TNC: variants seen among roughly 807,000 people sequenced by gnomAD.
The protein encoded by TNC is tenascin C.
Under a neutral mutation model 202.4 loss-of-function variants are expected in TNC, and 109 were observed. The ratio of observed to expected loss-of-function variants is 0.54; its 90% CI spans 0.46 to 0.63. The LOEUF is 0.63. Among genes scored for constraint, TNC ranks in the 30% least tolerant of loss-of-function variants. TNC has a pLI of 0.00. For synonymous variants in TNC, 1,007 were observed against 1,089.7 expected (o/e 0.92, Z 1.50); for missense variants, 2,756 against 2,833.3 (o/e 0.97, Z 0.62).
intron 15 of TNC, chr9:115,052,993 C>T (rs930852144): frequency 5.1e-5 from 36 of 700,718 alleles, no homozygotes; most frequent in East Asian, 2.7e-4. Flanking sequence ...TAAAGATTAG[C>T]GTGCCCAACT....
In TNC at chr9:115,042,230, G is replaced by C; in HGVS notation, c.5237C>G (p.Pro1746Arg). 1.2e-6 allele frequency: 2 copies of C among 1,613,874 alleles called. No homozygotes were observed. The highest frequency in any genetic ancestry group is 1.7e-6 in the Non-Finnish European group (2 of 1,179,858). Residue 1746 changes from proline (P) to arginine (R), a missense_variant, in exon 18 of 28, where the codon CCC becomes CGC. Pro to Arg is a moderately radical substitution (Grantham distance 103). Around this residue, in one of 2 missense-constraint regions of TNC, gnomAD observed 2,559 missense variants for 2,546.0 expected, o/e 1.01. Coordinates refer to ENST00000350763, the MANE Select transcript of TNC (RefSeq NM_002160.4). ...QVESFRITYV[P>R]ITGGTPSMVT... ...TCCGAGTCTCCTACCTCCTGTAATG[G>C]GCACATAGGTAATCCGGAAGCTCTC...
chr9:115,031,954 G>C (rs1035890252), intron 22 of TNC, among the ~76,000 whole-genome samples: 2 of 152,150 alleles, frequency 1.3e-5, no homozygotes, highest in African/African-American at 2.4e-5. Flanking sequence ...ATCTGGTAAG[G>C]ATGAGAGCAC....
At chr9:115,073,197 A>G (rs565663833) in intron 10 of TNC, among the ~76,000 whole-genome samples, 10 of 152,354 alleles carry the variant, frequency 6.6e-5, no homozygotes, top group Non-Finnish European at 8.8e-5. Flanking sequence ...TATTATTACC[A>G]ACATCTTGGT....
At chr9:115,028,962 A>G (rs1442992793) in intron 25 of TNC, among the ~76,000 whole-genome samples, 1 of 80,730 alleles carries the variant, frequency 1.2e-5, no homozygotes, top group Non-Finnish European at 2.5e-5. Context: ...AAAAAAAAAA[A>G]GAAAGTCATG....
In TNC at chr9:115,057,374, C is replaced by G. The variant is rs1476339737; in HGVS notation, c.4358G>C (p.Ser1453Thr). 1 of 1,613,792 alleles carries G rather than the reference C, an allele frequency of 6.2e-7. No individual in the cohort carries two copies. Among genetic ancestry groups the G allele is most frequent in the African/African-American group, 1.3e-5 (1 of 74,914 alleles). The change falls in exon 15 of 28, where the codon AGC (serine) becomes ACC (threonine). Residue 1453 changes from serine (S) to threonine (T), a missense_variant. This residue lies in a region of TNC where 2,559 missense variants were observed against 2,546.0 expected (regional missense o/e 1.01). Transcript: ENST00000350763. Reference sequence around the variant, plus strand: ...GGTAGCCATCCAGGAGAGATTGAAGCTCTCGGGAGTTATGTCAGAAACATT... The same window carrying G: ...GGTAGCCATCCAGGAGAGATTGAAGGTCTCGGGAGTTATGTCAGAAACATT... The part of the protein sequence containing the change: ...NLNVSDITPE[S>T]FNLSWMATDG...
intron 15 of TNC, among the ~76,000 whole-genome samples, chr9:115,053,814 C>T (rs1831890819): frequency 6.6e-6 from 1 of 152,090 alleles, no homozygotes; most frequent in Admixed American, 6.6e-5. Flanking sequence ...ATTCAAAATT[C>T]CCAGTGAATG....
At chr9:115,089,269 T>C (rs2133600983) in intron 2 of TNC, among the ~76,000 whole-genome samples, 1 of 152,332 alleles carries the variant, frequency 6.6e-6, no homozygotes, top group African/African-American at 2.4e-5. Context: ...TTGAAGAACA[T>C]TTTGGTAATT....
At chr9:115,102,541 G>T (rs558782229) in intron 1 of TNC, among the ~76,000 whole-genome samples, 6 of 152,248 alleles carry the variant, frequency 3.9e-5, no homozygotes, top group African/African-American at 1.4e-4. Context: ...CTATTGAAAG[G>T]TTTATCAGGT....
At chr9:115,076,361 G>T (rs191401601) in intron 8 of TNC, 29 bp downstream of exon 8, 3 of 1,611,376 alleles carry the variant, frequency 1.9e-6, no homozygotes, top group Admixed American at 3.3e-5. Flanking sequence ...GGGCTGGCTG[G>T]CTCAGGCTTG....
At chr9:115,050,106 G>A (rs1195104803) in intron 15 of TNC, among the ~76,000 whole-genome samples, 1 of 152,136 alleles carries the variant, frequency 6.6e-6, no homozygotes, top group African/African-American at 2.4e-5. Context: ...CCTGGATTTT[G>A]TTTAGATAAG....
chr9:115,086,303 C>T lies in TNC; in HGVS notation c.1428G>A (p.Gln476=), dbSNP rs755908909. The part of the protein sequence containing the change: ...SDMSCPNDCH[Q]HGRCVNGMCV... ...ACATGCCATTCACACAGCGGCCGTG[C>T]TGGTGACAGTCATTAGGGCAGCTCA... The change falls in exon 3 of 28, where the codon CAG becomes CAA. Residue 476 remains glutamine, a synonymous_variant. Transcript: ENST00000350763. 3 of 1,614,070 alleles carry T rather than the reference C, an allele frequency of 1.9e-6. No homozygotes were observed. The highest frequency in any genetic ancestry group is 2.2e-5 in the South Asian group (2 of 91,076).
At chr9:115,057,059 G>T in intron 15 of TNC, 94 bp downstream of exon 15, 1 of 1,445,014 alleles carries the variant, frequency 6.9e-7, no homozygotes, top group Non-Finnish European at 9.3e-7. Context: ...GTGCCCTGTG[G>T]CTTGTACATC....
chr9:115,046,603 T>A lies in TNC; in HGVS notation c.4932A>T (p.Glu1644Asp), dbSNP rs189359524. 1 of 1,614,078 alleles carries A rather than the reference T, an allele frequency of 6.2e-7. No individual in the cohort carries two copies. Among genetic ancestry groups the A allele is most frequent in the Admixed American group, 1.7e-5 (1 of 60,016 alleles). The change falls in exon 17 of 28, where the codon GAA becomes GAT. Residue 1644 changes from glutamate (E) to aspartate (D), a missense_variant. Transcript: ENST00000350763. ...TGAGAACAAAATTGTCGAAGACCCC[T>A]TCATCAGCTGTCCAGGACAGACGGA... The part of the protein sequence containing the change: ...DGFRLSWTAD[E>D]GVFDNFVLKI...
Position 115,086,851 on chromosome 9 carries a change from ATCGTCCACGG to A in TNC, c.870_879del (p.Arg291AlafsTer95). 1.2e-6 allele frequency: 2 copies of A among 1,614,168 alleles called. No individual in the cohort carries two copies. Among genetic ancestry groups the A allele is most frequent in the Non-Finnish European group, 1.7e-6 (2 of 1,180,044 alleles). On this transcript the variant is annotated frameshift_variant, in exon 3 of 28. Coordinates refer to ENST00000350763, the MANE Select transcript of TNC (RefSeq NM_002160.4). LOFTEE classifies it high-confidence loss of function. Reference sequence around the variant, plus strand: ...TCACACACGCACTCATTCTCCACGCATCGTCCACGGTTGTAGCAATTGTTGAGACACAGAG... The same window carrying A: ...TCACACACGCACTCATTCTCCACGCATTGTAGCAATTGTTGAGACACAGAG...
chr9:115,026,394 C>A, intron 26 of TNC, 140 bp downstream of exon 26: 5 of 890,422 alleles, frequency 5.6e-6, no homozygotes, highest in Non-Finnish European at 8.3e-6. Context: ...TCTGGATTGG[C>A]ACTCAGTAGG....
chr9:115,089,480 C>G (rs1318434356), intron 2 of TNC, among the ~76,000 whole-genome samples: 1 of 43,124 alleles, frequency 2.3e-5, no homozygotes, highest in African/African-American at 1.3e-4. Context: ...AAATCCCTAT[C>G]TCTCTCTCTC....
At chr9:115,074,007 G>T (rs974761477) in intron 9 of TNC, 141 bp from the exon 10 acceptor site, 5 of 797,996 alleles carry the variant, frequency 6.3e-6, no homozygotes, top group Non-Finnish European at 9.7e-6. Context: ...CACATCTCTG[G>T]GTCTCTCTTT....
At chr9:115,041,673 C>T (rs1830768711) in intron 18 of TNC, among the ~76,000 whole-genome samples, 4 of 152,190 alleles carry the variant, frequency 2.6e-5, no homozygotes, top group Admixed American at 2.0e-4. Flanking sequence ...TATTAACCAT[C>T]CTCTCTTTAT....
intron 21 of TNC, 174 bp downstream of exon 21, chr9:115,035,924 T>C: frequency 5.6e-6 from 4 of 711,282 alleles, no homozygotes; most frequent in Non-Finnish European, 9.2e-6. Context: ...GGAAATAGTG[T>C]GTTTCTTCAG....
Sources: allele counts gnomAD v4.1 joint callset (sites outside exome capture counted in the v4.1 genomes callset), GRCh38; gene constraint gnomAD v4.1.1; regional missense constraint gnomAD v4.1.1; transcripts MANE v1.5; gene names NCBI Gene and HGNC (gene_info 2026-07-23, HGNC 2026-07-21).